Variants in LBX2 observed in about 807,000 individuals in gnomAD.
The protein encoded by LBX2 is ladybird homeobox 2.
In LBX2, 6 loss-of-function variants were observed where a neutral mutation model predicts 7.5. The observed-to-expected ratio is 0.80, with a 90% CI of 0.44 to 1.59. The LOEUF (loss-of-function observed/expected upper bound fraction) is 1.59. LBX2 is among the 40% of genes most tolerant of loss of function. The probability of loss-of-function intolerance (pLI) is 0.01; values close to 1 mark genes in which losing one functional copy is unlikely to be tolerated. For synonymous variants in LBX2, 143 were observed against 133.2 expected (o/e 1.07, Z -0.51); for missense variants, 281 against 282.0 (o/e 1.00, Z 0.03).
chr2:74,500,984 G>A (rs1045433704), upstream of LBX2, among the ~76,000 whole-genome samples: 2 of 152,160 alleles, frequency 1.3e-5, no homozygotes, highest in Non-Finnish European at 2.9e-5. Context: ...TCTATTCCCT[G>A]GGGCAACTGC....
upstream of LBX2, chr2:74,502,772 C>T (rs556709211): frequency 1.8e-5 from 29 of 1,614,074 alleles, no homozygotes; most frequent in East Asian, 6.5e-4. The surrounding 1 kb of genome is among the most constrained non-coding windows in gnomAD (Gnocchi z 5.4). Context: ...CGGGAAGCAG[C>T]CAGCGGTGGG....
chr2:74,499,351 C>T lies in LBX2; in HGVS notation c.187G>A (p.Ala63Thr), dbSNP rs1388723369. The change falls in exon 1 of 2, where the codon GCT becomes ACT. Residue 63 changes from alanine (A) to threonine (T), a missense_variant. By Grantham distance (58) the Ala-to-Thr change is moderately conservative. Around this residue, in one of 3 missense-constraint regions of LBX2, gnomAD observed 216 missense variants for 208.7 expected, o/e 1.03. Transcript: ENST00000377566. This position sits in a 1 kb window ranked among gnomAD's most constrained non-coding sequence, Gnocchi z 4.6. ...TCTATACCTTCAGAGGGCTGCAGAG[C>T]GCGCGCGTCAAGTCCGCGGAAAGTT... is the stretch of plus-strand genomic sequence containing the variant. ...SKTFRGLDARALQPSEGRAGP... is the reference protein window; with the variant it reads ...SKTFRGLDARTLQPSEGRAGP... 6.4e-6 allele frequency: 10 copies of T among 1,550,392 alleles called. No homozygotes were observed. The highest frequency in any genetic ancestry group is 1.2e-5 in the South Asian group (1 of 84,068).
rs1403450511 is a variant in LBX2, at chr2:74,499,556, G to T, written c.-19C>A. On this transcript the variant is annotated 5_prime_UTR_variant, in exon 1 of 2. Transcript: ENST00000377566. The surrounding 1 kb of genome is among the most constrained non-coding windows in gnomAD (Gnocchi z 4.6). ...AGTTCATGGTCGGCCGGGCTGGGGC[G>T]GTCCGGCTGTCCGTTGCGCTAGGCT... 3 of 1,541,258 alleles carry T rather than the reference G, an allele frequency of 1.9e-6. No individual in the cohort carries two copies. Among genetic ancestry groups the T allele is most frequent in the Middle Eastern group, 2.2e-4 (1 of 4,650 alleles).
At chr2:74,500,418 A>G (rs1268844959), upstream of LBX2, among the ~76,000 whole-genome samples, 4 of 152,094 alleles carry the variant, frequency 2.6e-5, no homozygotes, top group Admixed American at 6.5e-5. Flanking sequence ...TCAGGTATGT[A>G]TGGTTTCCCC....
intron 1 of LBX2, chr2:74,498,946 G>A: frequency 3.9e-6 from 1 of 255,172 alleles, no homozygotes; most frequent in South Asian, 7.3e-5. Flanking sequence ...TTGGTCACCC[G>A]GAAAGACTCG....
upstream of LBX2, chr2:74,502,519 G>A (rs903817740): frequency 8.1e-6 from 6 of 741,632 alleles, no homozygotes; most frequent in Admixed American, 1.1e-4. The surrounding 1 kb of genome is among the most constrained non-coding windows in gnomAD (Gnocchi z 5.4). Flanking sequence ...GAACCGGAGT[G>A]AGAGGGCAGT....
At chr2:74,503,116 G>A (rs565945501), upstream of LBX2, 14 of 446,912 alleles carry the variant, frequency 3.1e-5, no homozygotes, top group African/African-American at 2.7e-4. The surrounding 1 kb of genome is among the most constrained non-coding windows in gnomAD (Gnocchi z 5.1). Flanking sequence ...TTTGACTCAG[G>A]AGCGCCGCGC....
rs1054617552 is a variant in LBX2 at position 74,499,482 on chromosome 2, A to G, written c.56T>C (p.Ile19Thr). 3.2e-6 allele frequency: 5 copies of G among 1,550,370 alleles called. No homozygotes were observed. Among genetic ancestry groups the G allele is most frequent in the Non-Finnish European group, 4.4e-6 (5 of 1,146,916 alleles). Residue 19 changes from isoleucine (I) to threonine (T), a missense_variant, in exon 1 of 2, where the codon ATC becomes ACC. By Grantham distance (89) the Ile-to-Thr change is moderately conservative (BLOSUM62 -1). This residue lies in a region of LBX2 where 216 missense variants were observed against 208.7 expected (regional missense o/e 1.03). Transcript: ENST00000377566. This position sits in a 1 kb window ranked among gnomAD's most constrained non-coding sequence, Gnocchi z 4.6. ...TCGGGGGACCATGCGCGGGGCTAGG[A>G]TGTCTGCGATGCTTAAGAGTGTCCG... ...TPRTLLSIAD[I>T]LAPRMVPRAP...
chr2:74,497,846 A>G lies in LBX2; in HGVS notation c.*81T>C. ...AGGCCCAAGTGGACCTCCTTCCTCC[A>G]CCCTGGAACTCTGGCCAGAGGCAGA... On this transcript the variant is annotated 3_prime_UTR_variant, in exon 2 of 2. Transcript: ENST00000377566. 1 of 1,415,928 alleles carries G rather than the reference A, an allele frequency of 7.1e-7. No homozygotes were observed. The highest frequency in any genetic ancestry group is 9.3e-7 in the Non-Finnish European group (1 of 1,069,718). 87.7% of individuals were successfully genotyped at this position (1,415,928 alleles called of 1,614,324 possible).
chr2:74,501,087 G>A (rs1041986710), upstream of LBX2, among the ~76,000 whole-genome samples: 1 of 152,142 alleles, frequency 6.6e-6, no homozygotes, highest in Non-Finnish European at 1.5e-5. Flanking sequence ...CACCTTGATA[G>A]GGTCTTCTTG....
In LBX2 at chr2:74,499,120, T is replaced by C; in HGVS notation, c.205+213A>G. The C allele has an allele frequency of 1.7e-6, 1 of 599,240 alleles. No homozygotes were observed. Among genetic ancestry groups the C allele is most frequent in the East Asian group, 2.8e-5 (1 of 36,144 alleles). 37.1% of individuals were successfully genotyped at this position (599,240 alleles called of 1,614,324 possible). ...TTGGCGACGGTCTGCCCTTTTCCCT[T>C]GGCACTGGCGGCCTTCCGGAGCCGC... On this transcript the variant is annotated intron_variant, in intron 1 of 1. Transcript: ENST00000377566. The surrounding 1 kb of genome is among the most constrained non-coding windows in gnomAD (Gnocchi z 4.6).
At position 74,499,467 on chromosome 2, in the gene LBX2, A is replaced by T. The variant is rs1481643318; in HGVS notation, c.71T>A (p.Met24Lys). Reference protein sequence around the residue: ...LSIADILAPRMVPRAPSAPQL... With the variant: ...LSIADILAPRKVPRAPSAPQL... Reference sequence around the variant, plus strand: ...CGGCGCAGAGGGTGCTCGGGGGACCATGCGCGGGGCTAGGATGTCTGCGAT... The same window carrying T: ...CGGCGCAGAGGGTGCTCGGGGGACCTTGCGCGGGGCTAGGATGTCTGCGAT... Residue 24 changes from methionine (M) to lysine (K), a missense_variant, in exon 1 of 2, where the codon ATG becomes AAG. Physicochemically the swap from Met to Lys is moderately conservative, Grantham distance 95. Around this residue, in one of 3 missense-constraint regions of LBX2, gnomAD observed 216 missense variants for 208.7 expected, o/e 1.03. Transcript: ENST00000377566. This position sits in a 1 kb window ranked among gnomAD's most constrained non-coding sequence, Gnocchi z 4.6. 4 of 1,550,380 alleles carry T rather than the reference A, an allele frequency of 2.6e-6. No individual in the cohort carries two copies. The highest frequency in any genetic ancestry group is 2.6e-6 in the Non-Finnish European group (3 of 1,146,954).
In LBX2 at chr2:74,499,227, T is replaced by G; in HGVS notation, c.205+106A>C. On this transcript the variant is annotated intron_variant, in intron 1 of 1. Transcript: ENST00000377566. The surrounding 1 kb of genome is among the most constrained non-coding windows in gnomAD (Gnocchi z 4.6). Reference sequence around the variant, plus strand: ...CACGTGGGCTGAGGACAGGGGAGGATTAGGGTGGGTGGCCTGGGCTGGGAC... The same window carrying G: ...CACGTGGGCTGAGGACAGGGGAGGAGTAGGGTGGGTGGCCTGGGCTGGGAC... 5.1e-6 allele frequency: 5 copies of G among 978,702 alleles called. No individual in the cohort carries two copies. The highest frequency in any genetic ancestry group is 6.2e-6 in the Non-Finnish European group (4 of 641,974). The allele number at this position is 978,702 out of a possible 1,614,324, so 60.6% of individuals were successfully genotyped here.
upstream of LBX2, chr2:74,501,718 G>C (rs1674487713): frequency 1.3e-5 from 2 of 152,396 alleles, no homozygotes; most frequent in Non-Finnish European, 2.9e-5. Context: ...CCAGGGACTA[G>C]TCCAGGGGAT....
upstream of LBX2, chr2:74,503,221 G>T: frequency 4.5e-6 from 1 of 223,702 alleles, no homozygotes; most frequent in South Asian, 9.6e-5. The surrounding 1 kb of genome is among the most constrained non-coding windows in gnomAD (Gnocchi z 5.1). Flanking sequence ...GTGACCCCGG[G>T]GTCCGGGTGG....
In LBX2 at chr2:74,499,434, G is replaced by C. The variant is rs1674437634; in HGVS notation, c.104C>G (p.Pro35Arg). 1 of 1,550,622 alleles carries C rather than the reference G, an allele frequency of 6.4e-7. No homozygotes were observed. The highest frequency in any genetic ancestry group is 2.0e-5 in the Admixed American group (1 of 51,016). Residue 35 changes from proline (P) to arginine (R), a missense_variant, in exon 1 of 2, where the codon CCA becomes CGA. Around this residue, in one of 3 missense-constraint regions of LBX2, gnomAD observed 216 missense variants for 208.7 expected, o/e 1.03. Coordinates refer to ENST00000377566, the MANE Select transcript of LBX2 (RefSeq NM_001282430.2). The surrounding 1 kb of genome is among the most constrained non-coding windows in gnomAD (Gnocchi z 4.6). ...VPRAPSAPQL[P>R]ESGPGPTSPL... The stretch of plus-strand genomic sequence containing the variant: ...CGACGTTGGACCCGGACCCGACTCT[G>C]GAAGCTGCGGCGCAGAGGGTGCTCG...
chr2:74,501,118 A>AC (rs1056193795), upstream of LBX2, among the ~76,000 whole-genome samples: 22 of 149,940 alleles, frequency 1.5e-4, no homozygotes, highest in African/African-American at 5.4e-4. Context: ...CACTCCAACA[A>AC]CCCCCCTCCC....
At position 74,497,770 on chromosome 2, in the gene LBX2, A is replaced by G. The variant is rs976083299; in HGVS notation, c.*157T>C. The G allele has an allele frequency of 6.7e-5, 55 of 819,606 alleles. No individual in the cohort carries two copies. Among genetic ancestry groups the G allele is most frequent in the Non-Finnish European group, 7.9e-5 (43 of 546,446 alleles). The allele number at this position is 819,606 out of a possible 1,614,324, so 50.8% of individuals were successfully genotyped here. On this transcript the variant is annotated 3_prime_UTR_variant, in exon 2 of 2. Coordinates refer to ENST00000377566, the MANE Select transcript of LBX2 (RefSeq NM_001282430.2). ...GAGGCCCTGTCTCAGACAACAAAAC[A>G]AACTTACAAAAAAACCGGGAAAGGT...
upstream of LBX2, chr2:74,502,633 G>C (rs749890189): frequency 2.5e-6 from 4 of 1,600,526 alleles, no homozygotes; most frequent in Non-Finnish European, 2.6e-6. The surrounding 1 kb of genome is among the most constrained non-coding windows in gnomAD (Gnocchi z 5.4). Flanking sequence ...CGCTACTGCG[G>C]AGTGAACCGG....
Sources: gnomAD v4.1 joint callset for allele counts (sites outside exome capture counted in the v4.1 genomes callset) on GRCh38, gnomAD v4.1.1 for gene constraint, gnomAD v4.1.1 regional missense constraint, Gnocchi (gnomAD v3.1) non-coding constraint, MANE v1.5 for transcripts, NCBI Gene and HGNC (gene_info 2026-07-23, HGNC 2026-07-21) for gene names.